Variants in LRRC4C observed in about 807,000 individuals in gnomAD.
LRRC4C encodes the protein leucine-rich repeat-containing protein 4C.
LRRC4C carries 5 observed loss-of-function variants against 33.6 expected under a neutral mutation model. That is an observed-to-expected ratio of 0.15 (90% CI 0.08 to 0.31). The LOEUF (loss-of-function observed/expected upper bound fraction) is 0.31, where lower values mean the gene tolerates loss of function less well. Ranked by LOEUF, LRRC4C falls within the 10% of genes least tolerant of loss-of-function variation. The pLI is 1.00. For missense variants in LRRC4C, 560 were observed against 796.7 expected (o/e 0.70, Z 3.58); for synonymous variants, 329 against 302.0 (o/e 1.09, Z -0.93).
chr11:40,607,458 G>A (rs1450329154), intron 3 of LRRC4C, among the ~76,000 whole-genome samples: 1 of 152,130 alleles, frequency 6.6e-6, no homozygotes, highest in Non-Finnish European at 1.5e-5. Context: ...GACATCAAGA[G>A]GAACATATCA....
At position 40,893,136 on chromosome 11, in the gene LRRC4C, C is replaced by T. The variant is rs191360998; in HGVS notation, c.-407+40499G>A. Among the ~76,000 whole-genome samples, 247 of 152,126 alleles carry T rather than the reference C, an allele frequency of 1.6e-3. 1 individual carries two copies. The highest frequency in any genetic ancestry group is 5.8e-3 in the African/African-American group (241 of 41,512). ...AATAAGCCACGCACACAAAAACAAA[C>T]TTCACATGTTCTCACTCATTTGTGG... On this transcript the variant is annotated intron_variant, in intron 2 of 6. Transcript: ENST00000528697.
intron 1 of LRRC4C, among the ~76,000 whole-genome samples, chr11:41,434,525 T>C (rs1955357457): frequency 6.6e-6 from 1 of 152,122 alleles, no homozygotes; most frequent in African/African-American, 2.4e-5. Context: ...TAATACAACA[T>C]ACAGGGAAGG....
At chr11:41,353,824 T>G (rs1423857757) in intron 1 of LRRC4C, among the ~76,000 whole-genome samples, 2 of 152,044 alleles carry the variant, frequency 1.3e-5, no homozygotes, top group East Asian at 3.9e-4. Flanking sequence ...CAACATCCCT[T>G]CATGTTAAAA....
At chr11:41,240,345 T>G (rs1948200026) in intron 1 of LRRC4C, among the ~76,000 whole-genome samples, 1 of 152,054 alleles carries the variant, frequency 6.6e-6, no homozygotes, top group Non-Finnish European at 1.5e-5. Flanking sequence ...AAAGAGTCCC[T>G]CTCACAATGA....
chr11:41,271,854 A>G (rs1445995482), intron 1 of LRRC4C, among the ~76,000 whole-genome samples: 1 of 152,152 alleles, frequency 6.6e-6, no homozygotes, highest in African/African-American at 2.4e-5. Flanking sequence ...GCAGAGAGGA[A>G]GGAATGAATG....
chr11:40,318,052 G>T (rs922852713), intron 4 of LRRC4C, among the ~76,000 whole-genome samples: 3 of 151,920 alleles, frequency 2.0e-5, no homozygotes, highest in Admixed American at 1.3e-4. Context: ...TAGACCTTTG[G>T]TATTCTTGAA....
chr11:41,113,309 A>T (rs1319662320), intron 1 of LRRC4C, among the ~76,000 whole-genome samples: 1 of 151,980 alleles, frequency 6.6e-6, no homozygotes, highest in Non-Finnish European at 1.5e-5. Context: ...GAATAAGATG[A>T]TTTTACTTCT....
chr11:40,891,857 T>C (rs1338633902), intron 2 of LRRC4C, among the ~76,000 whole-genome samples: 3 of 152,090 alleles, frequency 2.0e-5, no homozygotes, highest in Non-Finnish European at 4.4e-5. Flanking sequence ...CTTCGGGGGC[T>C]GGGCGTGGTG....
intron 1 of LRRC4C, among the ~76,000 whole-genome samples, chr11:41,401,772 A>T (rs558959142): frequency 6.6e-6 from 1 of 152,034 alleles, no homozygotes; most frequent in Non-Finnish European, 1.5e-5. Context: ...TTTTCAAAGA[A>T]TATTTCTTGA....
intron 3 of LRRC4C, among the ~76,000 whole-genome samples, chr11:40,591,819 CT>C (rs1959072282): frequency 6.6e-6 from 1 of 152,200 alleles, no homozygotes. Flanking sequence ...AAAAACAGAA[CT>C]TTAGCTCAAT....
chr11:40,719,216 T>C (rs1234919706), intron 2 of LRRC4C, among the ~76,000 whole-genome samples: 1 of 152,246 alleles, frequency 6.6e-6, no homozygotes, highest in Non-Finnish European at 1.5e-5. Context: ...ATTGTGAACA[T>C]GTAATCATCT....
intron 2 of LRRC4C, among the ~76,000 whole-genome samples, chr11:40,740,715 A>G (rs951569105): frequency 6.6e-6 from 1 of 152,008 alleles, no homozygotes; most frequent in Non-Finnish European, 1.5e-5. Context: ...GCCCAGACTA[A>G]TGTAATGAAG....
At chr11:40,553,188 C>T (rs1041382278) in intron 3 of LRRC4C, among the ~76,000 whole-genome samples, 5 of 152,108 alleles carry the variant, frequency 3.3e-5, no homozygotes, top group East Asian at 3.9e-4. Context: ...AGGAGAATTG[C>T]TTGAACCCAG....
chr11:40,422,500 C>T (rs373644622), intron 3 of LRRC4C, among the ~76,000 whole-genome samples: 81 of 152,204 alleles, frequency 5.3e-4, no homozygotes, highest in African/African-American at 1.9e-3. Context: ...TCATGTTCAA[C>T]GTTGATTTCT....
chr11:40,690,183 G>C (rs184061790), intron 2 of LRRC4C, among the ~76,000 whole-genome samples: 1 of 151,964 alleles, frequency 6.6e-6, no homozygotes, highest in African/African-American at 2.4e-5. Flanking sequence ...GGACTATTAA[G>C]GGCTTACAGT....
intron 1 of LRRC4C, among the ~76,000 whole-genome samples, chr11:41,147,311 C>T (rs771124394): frequency 3.9e-5 from 6 of 152,208 alleles, no homozygotes; most frequent in Admixed American, 2.6e-4. Context: ...TATTCATCTG[C>T]TATTCCTGTT....
chr11:40,233,114 A>C (rs564480120), intron 5 of LRRC4C, among the ~76,000 whole-genome samples: 1 of 152,242 alleles, frequency 6.6e-6, no homozygotes, highest in Non-Finnish European at 1.5e-5. Flanking sequence ...CCCACTCTGG[A>C]ATCAGGACCT....
intron 2 of LRRC4C, among the ~76,000 whole-genome samples, chr11:40,860,921 T>C (rs3226): frequency 0.17 from 25,910 of 149,992 alleles, 2,448 homozygotes; most frequent in African/African-American, 0.24. Context: ...GTAGCAGTGA[T>C]TGGACAACGT....
intron 2 of LRRC4C, among the ~76,000 whole-genome samples, chr11:40,710,479 G>A (rs996317296): frequency 1.5e-4 from 22 of 149,342 alleles, no homozygotes; most frequent in African/African-American, 4.9e-4. Context: ...GAGTTTGCTG[G>A]AGGTCCACTC....
Sources: gnomAD v4.1 joint callset for allele counts (sites outside exome capture counted in the v4.1 genomes callset) on GRCh38, gnomAD v4.1.1 for gene constraint, MANE v1.5 for transcripts, NCBI Gene and HGNC (gene_info 2026-07-23, HGNC 2026-07-21) for gene names.